Variants in APC observed in about 807,000 individuals in gnomAD.
APC encodes adenomatous polyposis coli protein.
In APC, 72 loss-of-function variants were observed where a neutral mutation model predicts 247.0. The observed-to-expected ratio is 0.29, with a 90% CI of 0.24 to 0.35. The LOEUF is 0.35. Among genes scored for constraint, APC ranks in the 10% least tolerant of loss-of-function variants. The pLI is 1.00. For synonymous variants in APC, 1,254 were observed against 1,162.5 expected (o/e 1.08, Z -1.60); for missense variants, 3,400 against 3,360.7 (o/e 1.01, Z -0.29).
At chr5:112,726,573 A>G (rs1751795453) in intron 1 of APC, among the ~76,000 whole-genome samples, 1 of 152,108 alleles carries the variant, frequency 6.6e-6, no homozygotes, top group Non-Finnish European at 1.5e-5. Context: ...GCAGACCAGA[A>G]GGCATCTTTT....
chr5:112,743,983 CAT>C (rs1292692111), intron 1 of APC, among the ~76,000 whole-genome samples: 1 of 152,092 alleles, frequency 6.6e-6, no homozygotes, highest in African/African-American at 2.4e-5. Context: ...GGATTACAAA[CAT>C]GTGCCACCAC....
At chr5:112,792,136 C>T (rs887169399) in intron 6 of APC, among the ~76,000 whole-genome samples, 20 of 152,228 alleles carry the variant, frequency 1.3e-4, no homozygotes, top group Admixed American at 9.2e-4. Context: ...GTCCCAGCTA[C>T]TCGGGAGCCT....
rs537480040 is a variant in APC at position 112,819,586 on chromosome 5, G to A, written c.1312+242G>A. On this transcript the variant is annotated intron_variant, in intron 10 of 15. Coordinates refer to ENST00000257430, the MANE Select transcript of APC (RefSeq NM_000038.6). ...GTCAAGAGAAATTTATACAATCATA[G>A]CATAGTAGGGCCTTAGTAGAGCTAG... 3.3e-5 allele frequency among the ~76,000 whole-genome samples: 5 copies of A among 152,256 alleles called. No homozygotes were observed. The South Asian group carries it at 1.0e-3, about 32-fold the overall frequency.
chr5:112,828,159 T>C (rs555390236), intron 13 of APC, among the ~76,000 whole-genome samples, 153 bp downstream of exon 13: 1 of 152,190 alleles, frequency 6.6e-6, no homozygotes, highest in African/African-American at 2.4e-5. Context: ...CTTCAGCCTC[T>C]CGAGGCTGGG....
Position 112,749,283 on chromosome 5 carries a change from G to C in APC, c.-18-5590G>C, listed in dbSNP as rs1263804623. Among the ~76,000 whole-genome samples the C allele has an allele frequency of 2.6e-5, 4 of 151,952 alleles. No individual in the cohort carries two copies. In the East Asian group the frequency reaches 7.7e-4, roughly 29 times the overall value. On this transcript the variant is annotated intron_variant, in intron 1 of 15. Coordinates refer to ENST00000257430, the MANE Select transcript of APC (RefSeq NM_000038.6). ...TTCTTTTTCACACAATCTTTGACCTGTATGTCATGGTTAGATTGGCTTCAT... is the reference window on the plus strand; with the variant it reads ...TTCTTTTTCACACAATCTTTGACCTCTATGTCATGGTTAGATTGGCTTCAT...
At chr5:112,730,390 A>T (rs1752040707) in intron 1 of APC, among the ~76,000 whole-genome samples, 1 of 152,214 alleles carries the variant, frequency 6.6e-6, no homozygotes. Context: ...GACATGGAGG[A>T]TGAGGCAATA....
At chr5:112,730,419 A>C (rs990856701) in intron 1 of APC, among the ~76,000 whole-genome samples, 16 of 152,234 alleles carry the variant, frequency 1.1e-4, no homozygotes, top group Non-Finnish European at 2.1e-4. Flanking sequence ...ATTGGCTTTG[A>C]AGGCGGACTG....
At chr5:112,715,623 G>A (rs1330274866) in intron 1 of APC, among the ~76,000 whole-genome samples, 1 of 152,074 alleles carries the variant, frequency 6.6e-6, no homozygotes, top group African/African-American at 2.4e-5. Context: ...AAACCACCTG[G>A]GCTGGGAGTT....
intron 1 of APC, among the ~76,000 whole-genome samples, chr5:112,732,339 A>T (rs1752141279): frequency 6.6e-6 from 1 of 152,090 alleles, no homozygotes; most frequent in East Asian, 1.9e-4. Flanking sequence ...CTACCCACAG[A>T]TTCTTTCTTG....
chr5:112,713,858 A>G (rs961667700), intron 1 of APC, among the ~76,000 whole-genome samples: 7 of 152,136 alleles, frequency 4.6e-5, no homozygotes, highest in African/African-American at 1.2e-4. Context: ...GGGTTTCGCA[A>G]TGTTGGCTAG....
chr5:112,707,979 T>A, intron 1 of APC: 1 of 1,196,528 alleles, frequency 8.4e-7, no homozygotes, highest in Non-Finnish European at 1.1e-6. Flanking sequence ...GGCCCGACTC[T>A]GTGGCTCTCT....
At chr5:112,720,989 G>T (rs999596824) in intron 1 of APC, among the ~76,000 whole-genome samples, 38 of 152,300 alleles carry the variant, frequency 2.5e-4, no homozygotes, top group African/African-American at 8.9e-4. Flanking sequence ...GTGTAAAGAT[G>T]AAAGTAACGG....
At chr5:112,721,044 C>G (rs548054925) in intron 1 of APC, among the ~76,000 whole-genome samples, 1 of 152,124 alleles carries the variant, frequency 6.6e-6, no homozygotes, top group East Asian at 1.9e-4. Context: ...TTGGAGAACA[C>G]AGTAAGTAAG....
At chr5:112,725,896 G>A (rs1745325768) in intron 1 of APC, among the ~76,000 whole-genome samples, 1 of 152,232 alleles carries the variant, frequency 6.6e-6, no homozygotes, top group South Asian at 2.1e-4. Context: ...CCTTACCGTA[G>A]TATATGAGGT....
At chr5:112,767,165 A>G in intron 3 of APC, 24 bp from the exon 4 acceptor site, 1 of 1,574,456 alleles carries the variant, frequency 6.4e-7, no homozygotes, top group African/African-American at 1.3e-5. Context: ...TTGTTGTATA[A>G]AAACTTGTTT....
Position 112,738,604 on chromosome 5 carries a change from T to A in APC, c.-19+679T>A, listed in dbSNP as rs79491077. 2.3e-4 allele frequency: 147 copies of A among 649,706 alleles called. No individual in the cohort carries two copies. The African/African-American group carries it at 2.6e-3, about 12-fold the overall frequency. The allele number at this position is 649,706 out of a possible 1,614,324, so 40.2% of individuals were successfully genotyped here. On this transcript the variant is annotated intron_variant, in intron 1 of 15. Coordinates refer to ENST00000257430, the MANE Select transcript of APC (RefSeq NM_000038.6). ...TGTCTTTGTTAGTTACAAAATGCAG[T>A]GGTAGTGGCTTTTTGCGGACGACTG...
In APC at chr5:112,835,044, C is replaced by G. The variant is rs1471156259; in HGVS notation, c.1837C>G (p.Leu613Val). 2 of 1,613,962 alleles carry G rather than the reference C, an allele frequency of 1.2e-6. No individual in the cohort carries two copies. The highest frequency in any genetic ancestry group is 1.7e-6 in the Non-Finnish European group (2 of 1,179,998). ...TGATATATGTGCTGTAGATGGTGCA[C>G]TTGCATTTTTGGTTGGCACTCTTAC... ...KADICAVDGA[L>V]AFLVGTLTYR... Residue 613 changes from leucine (L) to valine (V), a missense_variant, in exon 15 of 16, where the codon CTT becomes GTT. Around this residue, in one of 9 missense-constraint regions of APC, gnomAD observed 184 missense variants for 248.0 expected, o/e 0.74. Coordinates refer to ENST00000257430, the MANE Select transcript of APC (RefSeq NM_000038.6).
chr5:112,771,906 T>G (rs142241414), intron 4 of APC, among the ~76,000 whole-genome samples: 1 of 152,298 alleles, frequency 6.6e-6, no homozygotes, highest in East Asian at 1.9e-4. Flanking sequence ...GCTTGTAGCT[T>G]TATAAGCTGG....
intron 1 of APC, among the ~76,000 whole-genome samples, chr5:112,731,014 T>G (rs1242986075): frequency 6.6e-6 from 1 of 152,030 alleles, no homozygotes; most frequent in Non-Finnish European, 1.5e-5. Context: ...TTATATCATA[T>G]TAAACAGACA....
Sources: allele counts gnomAD v4.1 joint callset (sites outside exome capture counted in the v4.1 genomes callset), GRCh38; gene constraint gnomAD v4.1.1; regional missense constraint gnomAD v4.1.1; transcripts MANE v1.5; gene names NCBI Gene and HGNC (gene_info 2026-07-23, HGNC 2026-07-21).